DTNA: variants seen among roughly 807,000 people sequenced by gnomAD.
DTNA encodes the protein dystrophin-related protein 3.
In DTNA, 43 loss-of-function variants were observed where a neutral mutation model predicts 100.7. The observed-to-expected ratio is 0.43, with a 90% CI of 0.33 to 0.55. DTNA has a LOEUF of 0.55. Ranked by LOEUF, DTNA falls within the 20% of genes least tolerant of loss-of-function variation. The pLI is 0.04. For missense variants in DTNA, 798 were observed against 953.9 expected, an observed-to-expected ratio of 0.84 and a Z score of 2.15; for synonymous variants, 349 against 347.9, an observed-to-expected ratio of 1.00 and a Z score of -0.04.
chr18:34,877,417 C>T (rs577238728), intron 18 of DTNA, among the ~76,000 whole-genome samples: 21 of 152,184 alleles, frequency 1.4e-4, no homozygotes, highest in Non-Finnish European at 2.5e-4. Flanking sequence ...CCCAGTTTTG[C>T]CAGGTCAGCC....
chr18:34,669,381 A>G (rs1301250169), intron 1 of DTNA, among the ~76,000 whole-genome samples: 1 of 152,026 alleles, frequency 6.6e-6, no homozygotes, highest in Non-Finnish European at 1.5e-5. Flanking sequence ...TCTTTATCCA[A>G]TTTGCCAGTC....
chr18:34,701,524 A>G (rs1326721547), intron 1 of DTNA, among the ~76,000 whole-genome samples: 1 of 152,134 alleles, frequency 6.6e-6, no homozygotes, highest in East Asian at 1.9e-4. Flanking sequence ...GGACTTAAAA[A>G]AAAATTCCTC....
At chr18:34,744,023 CT>C (rs2091170432) in intron 1 of DTNA, among the ~76,000 whole-genome samples, 1 of 152,112 alleles carries the variant, frequency 6.6e-6, no homozygotes, top group Non-Finnish European at 1.5e-5. Flanking sequence ...TTATTATTTC[CT>C]TTTCCCAGCG....
intron 4 of DTNA, among the ~76,000 whole-genome samples, chr18:34,799,455 T>C (rs564912124): frequency 6.6e-6 from 1 of 152,302 alleles, no homozygotes; most frequent in South Asian, 2.1e-4. Context: ...AAAAAAGTAT[T>C]GTTCATGTTT....
At chr18:34,718,487 G>A (rs1451597875) in intron 1 of DTNA, among the ~76,000 whole-genome samples, 1 of 152,100 alleles carries the variant, frequency 6.6e-6, no homozygotes, top group Non-Finnish European at 1.5e-5. Flanking sequence ...ACCCCATTTT[G>A]ATGGACTTTT....
At chr18:34,553,338 A>G (rs2145993403) in intron 1 of DTNA, among the ~76,000 whole-genome samples, 2 of 151,062 alleles carry the variant, frequency 1.3e-5, no homozygotes, top group Non-Finnish European at 3.0e-5. Context: ...TTGCCCGTTC[A>G]CTCTGATGGT....
intron 1 of DTNA, among the ~76,000 whole-genome samples, chr18:34,629,871 C>T (rs559235986): frequency 6.6e-6 from 1 of 152,312 alleles, no homozygotes; most frequent in Admixed American, 6.5e-5. Context: ...GAGCATCTCT[C>T]CTCTCCTGGG....
At chr18:34,661,714 G>C (rs1163699709) in intron 1 of DTNA, among the ~76,000 whole-genome samples, 1 of 152,096 alleles carries the variant, frequency 6.6e-6, no homozygotes, top group Non-Finnish European at 1.5e-5. Flanking sequence ...TCCATCCACT[G>C]TTCCCACCCT....
At chr18:34,688,975 T>G (rs1039171325) in intron 1 of DTNA, among the ~76,000 whole-genome samples, 2 of 152,146 alleles carry the variant, frequency 1.3e-5, no homozygotes, top group African/African-American at 4.8e-5. Flanking sequence ...GTTCTGGTGC[T>G]GTGTTTTTCA....
chr18:34,713,609 G>T (rs566244459), intron 1 of DTNA, among the ~76,000 whole-genome samples: 11 of 151,404 alleles, frequency 7.3e-5, no homozygotes, highest in African/African-American at 2.4e-4. Context: ...TTGACTTGGC[G>T]ATGCGGGCTC....
chr18:34,675,162 T>TG (rs1187382766), intron 1 of DTNA, among the ~76,000 whole-genome samples: 2 of 151,956 alleles, frequency 1.3e-5, no homozygotes, highest in Non-Finnish European at 2.9e-5. Context: ...GGCTGGGGGT[T>TG]GGGGGGCAGT....
At chr18:34,701,239 C>G (rs1447446389) in intron 1 of DTNA, among the ~76,000 whole-genome samples, 1 of 152,174 alleles carries the variant, frequency 6.6e-6, no homozygotes, top group East Asian at 1.9e-4. Context: ...GACCTCTATC[C>G]TTCTCCTGTT....
At chr18:34,560,248 G>A (rs933060534) in intron 1 of DTNA, among the ~76,000 whole-genome samples, 2 of 152,106 alleles carry the variant, frequency 1.3e-5, no homozygotes, top group African/African-American at 2.4e-5. Context: ...CTTGAGAGCA[G>A]GAACTGTATT....
intron 1 of DTNA, among the ~76,000 whole-genome samples, chr18:34,533,332 T>A (rs974523733): frequency 4.0e-5 from 6 of 151,272 alleles, no homozygotes; most frequent in African/African-American, 1.5e-4. Context: ...GATCATGCCA[T>A]TGCATTCCAT....
chr18:34,526,669 T>C (rs1403890554), intron 1 of DTNA, among the ~76,000 whole-genome samples: 4 of 152,130 alleles, frequency 2.6e-5, no homozygotes, highest in African/African-American at 9.7e-5. Flanking sequence ...CTATACTTCA[T>C]AGAGGGAGTC....
chr18:34,879,660 T>G lies in DTNA; in HGVS notation c.2103T>G (p.His701Gln). ...TSEKAFLAQI[H>Q]ARKPGYIHSG... Reference sequence around the variant, plus strand: ...AAAAGGCTTTTCTAGCGCAAATCCATGCCCGAAAACCTGGGTACATTCACA... The same window carrying G: ...AAAAGGCTTTTCTAGCGCAAATCCAGGCCCGAAAACCTGGGTACATTCACA... Residue 701 changes from histidine (H) to glutamine (Q), a missense_variant, in exon 20 of 23, where the codon CAT becomes CAG. Around this residue, in one of 6 missense-constraint regions of DTNA, gnomAD observed 242 missense variants for 238.2 expected, o/e 1.02. Transcript: ENST00000444659. 1 of 1,614,148 alleles carries G rather than the reference T, an allele frequency of 6.2e-7. No homozygotes were observed.
intron 2 of DTNA, among the ~76,000 whole-genome samples, chr18:34,762,687 C>T (rs2093253714): frequency 6.6e-6 from 1 of 152,200 alleles, no homozygotes; most frequent in South Asian, 2.1e-4. Context: ...GCAGCTAACA[C>T]ATACATTGAT....
chr18:34,692,104 T>C (rs1184047553), intron 1 of DTNA, among the ~76,000 whole-genome samples: 1 of 152,230 alleles, frequency 6.6e-6, no homozygotes, highest in African/African-American at 2.4e-5. Flanking sequence ...CTCCTCCTCT[T>C]TGAAGTTCCT....
intron 1 of DTNA, among the ~76,000 whole-genome samples, chr18:34,517,431 T>A (rs1315376235): frequency 1.3e-5 from 2 of 150,870 alleles, no homozygotes; most frequent in African/African-American, 4.9e-5. Context: ...TTCACAGACC[T>A]TATTCAGATT....
Sources: allele counts gnomAD v4.1 joint callset (sites outside exome capture counted in the v4.1 genomes callset), GRCh38; gene constraint gnomAD v4.1.1; regional missense constraint gnomAD v4.1.1; transcripts MANE v1.5; gene names NCBI Gene and HGNC (gene_info 2026-07-23, HGNC 2026-07-21).